PLCG2: variants seen among roughly 807,000 people sequenced by gnomAD.
PLCG2 encodes the protein 1-phosphatidylinositol 4,5-bisphosphate phosphodiesterase gamma-2.
PLCG2 carries 69 observed loss-of-function variants against 175.6 expected under a neutral mutation model. The ratio of observed to expected loss-of-function variants is 0.39; its 90% CI spans 0.32 to 0.48. PLCG2 has a LOEUF of 0.48. PLCG2 is among the 20% of genes least tolerant of loss of function. The pLI is 0.91. For missense variants in PLCG2, 1,798 were observed against 1,650.9 expected, an observed-to-expected ratio of 1.09 and a Z score of -1.54; for synonymous variants, 827 against 624.0, an observed-to-expected ratio of 1.33 and a Z score of -4.85.
chr16:81,946,626 A>T (rs866586143), intron 31 of PLCG2, among the ~76,000 whole-genome samples: 1 of 152,126 alleles, frequency 6.6e-6, no homozygotes, highest in Admixed American at 6.5e-5. Flanking sequence ...TAGGAATCCT[A>T]TCAAAAAGTC....
intron 5 of PLCG2, among the ~76,000 whole-genome samples, chr16:81,865,844 C>A (rs112485612): frequency 1.4e-5 from 2 of 143,388 alleles, no homozygotes; most frequent in African/African-American, 5.2e-5. Context: ...CCCTTGCTCC[C>A]AGGGTGAGCT....
chr16:81,858,459 T>G (rs1906799009), intron 4 of PLCG2, 103 bp downstream of exon 4: 3 of 830,704 alleles, frequency 3.6e-6, no homozygotes, highest in Non-Finnish European at 6.3e-6. Context: ...AAAGGGACAT[T>G]GGTTTTTTGA....
At chr16:81,814,863 C>G (rs74029223) in intron 2 of PLCG2, among the ~76,000 whole-genome samples, 3,309 of 152,262 alleles carry the variant, frequency 0.022, 124 homozygotes, top group African/African-American at 0.073. Flanking sequence ...TGATGATCCT[C>G]TCCCCATAGA....
intron 31 of PLCG2, among the ~76,000 whole-genome samples, chr16:81,951,703 T>A (rs560072753): frequency 1.3e-3 from 196 of 152,318 alleles, no homozygotes; most frequent in Non-Finnish European, 2.3e-3. Flanking sequence ...AATATCCAGC[T>A]GTTTACTAGA....
At position 81,809,449 on chromosome 16, in the gene PLCG2, C is replaced by T. The variant is rs190226601; in HGVS notation, c.193+23267C>T. On this transcript the variant is annotated intron_variant, in intron 2 of 32. Transcript: ENST00000564138. ...TCTATTTACTCACAGGAATAATAAG[C>T]TTGATGACACAGCCTTTATTTGCTG... 5.9e-5 allele frequency among the ~76,000 whole-genome samples: 9 copies of T among 152,318 alleles called. No individual in the cohort carries two copies. In the East Asian group the frequency reaches 1.5e-3, roughly 26 times the overall value.
chr16:81,902,809 G>A (rs909475430), intron 14 of PLCG2, among the ~76,000 whole-genome samples: 1 of 152,156 alleles, frequency 6.6e-6, no homozygotes, highest in Non-Finnish European at 1.5e-5. Context: ...TGGCTGGGGA[G>A]GCCTCACAAT....
intron 2 of PLCG2, among the ~76,000 whole-genome samples, chr16:81,805,784 T>TTTTTTTTTTTTTTTTTTTTTTTTTG (rs1911992204): frequency 1.2e-4 from 1 of 8,462 alleles, no homozygotes; most frequent in Non-Finnish European, 1.2e-3. Context: ...TTTTTTTTTG[T>TTTTTTTTTTTTTTTTTTTTTTTTTG]TTTTTTTTTT....
intron 2 of PLCG2, among the ~76,000 whole-genome samples, chr16:81,759,994 C>T (rs563916517): frequency 3.9e-4 from 60 of 152,198 alleles, no homozygotes; most frequent in African/African-American, 8.4e-4. Flanking sequence ...GGAGTGGTGG[C>T]GGGCGCCTGT....
chr16:81,741,769 C>T (rs762126818), intron 1 of PLCG2, among the ~76,000 whole-genome samples: 11 of 152,072 alleles, frequency 7.2e-5, no homozygotes, highest in Non-Finnish European at 1.2e-4. Context: ...TGAGATTGTG[C>T]CACTGAACTC....
At chr16:81,941,483 C>T (rs1030652599) in intron 30 of PLCG2, among the ~76,000 whole-genome samples, 1 of 152,076 alleles carries the variant, frequency 6.6e-6, no homozygotes, top group African/African-American at 2.4e-5. Context: ...TCAAGGCTGC[C>T]TATCTTACCA....
upstream of PLCG2, among the ~76,000 whole-genome samples, chr16:81,778,373 G>T (rs1037431175): frequency 1.8e-4 from 27 of 152,010 alleles, no homozygotes; most frequent in African/African-American, 6.5e-4. Context: ...CTGCCTCTTA[G>T]AAAACAGAAG....
chr16:81,746,413 TGTA>T (rs1482981750), intron 1 of PLCG2, among the ~76,000 whole-genome samples: 2 of 152,000 alleles, frequency 1.3e-5, no homozygotes, highest in East Asian at 1.9e-4. Flanking sequence ...TTCTGGGAAA[TGTA>T]GTCGAAACGG....
At chr16:81,758,271 C>T (rs764378359) in intron 2 of PLCG2, among the ~76,000 whole-genome samples, 5 of 152,206 alleles carry the variant, frequency 3.3e-5, no homozygotes, top group African/African-American at 4.8e-5. Flanking sequence ...AACCCTCGTG[C>T]CCAGGCTCAC....
At chr16:81,823,095 C>A (rs796181140) in intron 2 of PLCG2, among the ~76,000 whole-genome samples, 2 of 152,240 alleles carry the variant, frequency 1.3e-5, no homozygotes, top group Non-Finnish European at 2.9e-5. Flanking sequence ...ATAAAGCAGG[C>A]GAGGCCTATG....
At chr16:81,778,745 G>T (rs1264531385), upstream of PLCG2, among the ~76,000 whole-genome samples, 1 of 152,206 alleles carries the variant, frequency 6.6e-6, no homozygotes, top group African/African-American at 2.4e-5. Context: ...GCCTCAACGA[G>T]GGCTTCAAAT....
chr16:81,816,118 C>T (rs1000937093), intron 2 of PLCG2, among the ~76,000 whole-genome samples: 6 of 151,328 alleles, frequency 4.0e-5, no homozygotes, highest in African/African-American at 1.2e-4. Context: ...TGCCGGTAAT[C>T]CCAGCACTTT....
At chr16:81,899,287 T>TAC (rs1909036929) in intron 13 of PLCG2, among the ~76,000 whole-genome samples, 3 of 142,296 alleles carry the variant, frequency 2.1e-5, no homozygotes, top group African/African-American at 9.0e-5. Context: ...TATATATATA[T>TAC]ATACACACAC....
chr16:81,770,523 G>C (rs996648691), intron 2 of PLCG2, among the ~76,000 whole-genome samples: 1 of 152,058 alleles, frequency 6.6e-6, no homozygotes, highest in African/African-American at 2.4e-5. Context: ...GACCAGCCTG[G>C]GTAACACGAT....
chr16:81,785,259 T>C (rs1910917981), intron 1 of PLCG2, among the ~76,000 whole-genome samples: 1 of 152,092 alleles, frequency 6.6e-6, no homozygotes, highest in African/African-American at 2.4e-5. Context: ...TCACCCCAGG[T>C]GCTTTGCTGG....
Sources: allele counts gnomAD v4.1 joint callset (sites outside exome capture counted in the v4.1 genomes callset), GRCh38; gene constraint gnomAD v4.1.1; transcripts MANE v1.5; gene names NCBI Gene and HGNC (gene_info 2026-07-23, HGNC 2026-07-21).